Variants in ARB2A observed in about 807,000 individuals in gnomAD.
ARB2A encodes the protein cotranscriptional regulator ARB2A.
At chr5:93,921,147 A>C in the ARB2A span, among the ~76,000 whole-genome samples, 2 of 148,060 alleles carry the variant, frequency 1.4e-5, no homozygotes, top group Middle Eastern at 3.4e-3. Flanking sequence ...GTTCAGTGTA[A>C]AGACCATGTT....
chr5:93,910,215 T>A, the ARB2A span, among the ~76,000 whole-genome samples: 3 of 150,976 alleles, frequency 2.0e-5, no homozygotes, highest in Middle Eastern at 3.7e-3. Context: ...GATATACTTA[T>A]TTACACATTA....
chr5:93,744,343 G>A, the ARB2A span, among the ~76,000 whole-genome samples: 7 of 146,000 alleles, frequency 4.8e-5, no homozygotes, highest in Admixed American at 1.4e-4. Flanking sequence ...GCTGAGGCAG[G>A]AGAATTGCTT....
chr5:93,968,017 A>G, the ARB2A span, among the ~76,000 whole-genome samples: 1 of 152,172 alleles, frequency 6.6e-6, no homozygotes, highest in Non-Finnish European at 1.5e-5. Flanking sequence ...AAGAACCTAG[A>G]GGAAACTGTA....
chr5:93,977,116 G>A, the ARB2A span, among the ~76,000 whole-genome samples: 1 of 151,944 alleles, frequency 6.6e-6, no homozygotes, highest in African/African-American at 2.4e-5. Context: ...AAAACAAATG[G>A]AAAAGAATTT....
the ARB2A span, among the ~76,000 whole-genome samples, chr5:93,857,115 ATGC>A: frequency 2.0e-5 from 3 of 152,150 alleles, no homozygotes; most frequent in Non-Finnish European, 4.4e-5. Context: ...CGAACCGCGA[ATGC>A]TGCTGTCTGA....
the ARB2A span, among the ~76,000 whole-genome samples, chr5:94,012,434 A>G: frequency 6.6e-6 from 1 of 152,150 alleles, no homozygotes; most frequent in Non-Finnish European, 1.5e-5. Flanking sequence ...AGATGGAAGG[A>G]TAAAATTAGC....
chr5:93,717,509 T>C, the ARB2A span, among the ~76,000 whole-genome samples: 3 of 145,012 alleles, frequency 2.1e-5, no homozygotes, highest in Admixed American at 2.1e-4. Flanking sequence ...GCCATATACA[T>C]AGAAAAGAGA....
chr5:93,801,756 G>C, the ARB2A span, among the ~76,000 whole-genome samples: 3 of 152,014 alleles, frequency 2.0e-5, no homozygotes, highest in African/African-American at 7.2e-5. Context: ...CAGCACAGCA[G>C]GCCATGCATG....
the ARB2A span, among the ~76,000 whole-genome samples, chr5:93,760,898 A>G: frequency 6.6e-6 from 1 of 152,250 alleles, no homozygotes; most frequent in Non-Finnish European, 1.5e-5. Context: ...AAAGATAGAT[A>G]CTGGGACTTA....
chr5:93,661,344 T>C, the ARB2A span, among the ~76,000 whole-genome samples: 1 of 152,172 alleles, frequency 6.6e-6, no homozygotes, highest in Non-Finnish European at 1.5e-5. Flanking sequence ...GTAATTTGTT[T>C]AAGGTAGATT....
chr5:93,881,516 T>C, the ARB2A span: 1 of 1,610,614 alleles, frequency 6.2e-7, no homozygotes, highest in Non-Finnish European at 8.5e-7. Flanking sequence ...GGGGTTACGA[T>C]ACTTCTCATA....
the ARB2A span, among the ~76,000 whole-genome samples, chr5:93,880,375 T>A: frequency 6.6e-6 from 1 of 151,648 alleles, no homozygotes; most frequent in Non-Finnish European, 1.5e-5. Context: ...ACTAGAATAA[T>A]ACAGAAAATA....
the ARB2A span, among the ~76,000 whole-genome samples, chr5:94,072,858 C>T: frequency 1.3e-5 from 2 of 152,110 alleles, no homozygotes; most frequent in African/African-American, 4.8e-5. Context: ...ACAGTCATCA[C>T]CATCTTCCTT....
chr5:93,763,425 C>G, the ARB2A span, among the ~76,000 whole-genome samples: 1 of 152,030 alleles, frequency 6.6e-6, no homozygotes. Flanking sequence ...GACTTTAAAC[C>G]AACTAAGATC....
the ARB2A span, among the ~76,000 whole-genome samples, chr5:94,101,444 G>C: frequency 3.3e-5 from 5 of 152,230 alleles, no homozygotes; most frequent in African/African-American, 4.8e-5. Context: ...CCATCACCGG[G>C]TATACACTCA....
At chr5:93,818,641 A>G in the ARB2A span, among the ~76,000 whole-genome samples, 2 of 152,212 alleles carry the variant, frequency 1.3e-5, no homozygotes. Flanking sequence ...TAGTTATATT[A>G]TAATTTAGTT....
chr5:94,106,776 C>T, the ARB2A span, among the ~76,000 whole-genome samples: 3 of 151,178 alleles, frequency 2.0e-5, no homozygotes, highest in South Asian at 4.2e-4. Context: ...CACATATACA[C>T]CACGGAACAC....
the ARB2A span, chr5:93,737,928 C>T: frequency 2.2e-6 from 1 of 447,584 alleles, no homozygotes. Flanking sequence ...TTGCATTTGG[C>T]AACATGAAAA....
chr5:94,026,556 C>A, the ARB2A span, among the ~76,000 whole-genome samples: 1 of 151,426 alleles, frequency 6.6e-6, no homozygotes, highest in African/African-American at 2.4e-5. Context: ...TGTGAGTATG[C>A]AAAAAAGGTT....
Sources: allele counts gnomAD v4.1 joint callset (sites outside exome capture counted in the v4.1 genomes callset), GRCh38; gene constraint gnomAD v4.1.1; transcripts MANE v1.5; gene names NCBI Gene and HGNC (gene_info 2026-07-23, HGNC 2026-07-21).